Variants in CNTNAP5 observed in about 807,000 individuals in gnomAD.
CNTNAP5 encodes the protein contactin-associated protein-like 5.
In CNTNAP5, 72 loss-of-function variants were observed where a neutral mutation model predicts 150.2. That is an observed-to-expected ratio of 0.48 (90% CI 0.40 to 0.58). The LOEUF is 0.58. Ranked by LOEUF, CNTNAP5 falls within the 20% of genes least tolerant of loss-of-function variation. The pLI is 0.00. For synonymous variants in CNTNAP5, 672 were observed against 619.8 expected (o/e 1.08, Z -1.25); for missense variants, 1,636 against 1,626.2 (o/e 1.01, Z -0.10).
intron 19 of CNTNAP5, among the ~76,000 whole-genome samples, chr2:124,815,022 C>T (rs558493403): frequency 6.6e-6 from 1 of 152,168 alleles, no homozygotes; most frequent in Non-Finnish European, 1.5e-5. Context: ...GATGAAGTGC[C>T]TGCTAGTCTA....
chr2:124,803,183 G>A (rs1249900653), intron 19 of CNTNAP5, among the ~76,000 whole-genome samples: 2 of 151,960 alleles, frequency 1.3e-5, no homozygotes, highest in East Asian at 3.9e-4. Context: ...ATCGATGCTA[G>A]GTAGAAGTCT....
chr2:124,618,361 G>A (rs1677534577), intron 12 of CNTNAP5, among the ~76,000 whole-genome samples: 1 of 152,124 alleles, frequency 6.6e-6, no homozygotes, highest in Non-Finnish European at 1.5e-5. Context: ...GAGGACAGTG[G>A]ATCTCTCGTA....
chr2:124,274,243 T>C (rs1376127875), intron 3 of CNTNAP5, among the ~76,000 whole-genome samples: 2 of 152,192 alleles, frequency 1.3e-5, no homozygotes, highest in Non-Finnish European at 2.9e-5. Context: ...AATAGCCACA[T>C]ACTGGACAGC....
chr2:124,330,327 T>C (rs1689318537), intron 3 of CNTNAP5, among the ~76,000 whole-genome samples: 1 of 152,220 alleles, frequency 6.6e-6, no homozygotes, highest in African/African-American at 2.4e-5. Flanking sequence ...TTAATGAACT[T>C]ATGCAAATAA....
chr2:124,474,666 C>A, intron 6 of CNTNAP5, 73 bp from the exon 7 acceptor site: 1 of 1,314,852 alleles, frequency 7.6e-7, no homozygotes, highest in Non-Finnish European at 1.0e-6. Flanking sequence ...ACCAAAAACG[C>A]ACGTGTTTAC....
intron 8 of CNTNAP5, among the ~76,000 whole-genome samples, chr2:124,522,563 A>G (rs1204523085): frequency 1.3e-5 from 2 of 152,220 alleles, no homozygotes; most frequent in Non-Finnish European, 2.9e-5. Flanking sequence ...CTCTGGCTGC[A>G]CATTAGAACC....
At chr2:124,464,662 T>G (rs2104824404) in intron 6 of CNTNAP5, among the ~76,000 whole-genome samples, 1 of 152,264 alleles carries the variant, frequency 6.6e-6, no homozygotes, top group African/African-American at 2.4e-5. Flanking sequence ...CTATATGCTG[T>G]TTTACTTTCT....
At chr2:124,738,965 ACT>A (rs1680445333) in intron 13 of CNTNAP5, among the ~76,000 whole-genome samples, 1 of 152,096 alleles carries the variant, frequency 6.6e-6, no homozygotes, top group South Asian at 2.1e-4. Context: ...TCCTACAAAA[ACT>A]CACACAATGC....
chr2:124,133,660 G>A (rs907280751), intron 1 of CNTNAP5, among the ~76,000 whole-genome samples: 2 of 152,086 alleles, frequency 1.3e-5, no homozygotes, highest in East Asian at 1.9e-4. Flanking sequence ...TTTCTGTGGA[G>A]CACCAGTAGT....
At chr2:124,067,054 C>A (rs543042156) in intron 1 of CNTNAP5, among the ~76,000 whole-genome samples, 13 of 152,246 alleles carry the variant, frequency 8.5e-5, no homozygotes, top group African/African-American at 3.1e-4. Flanking sequence ...AAGACAGGAG[C>A]CTTGTTCCAT....
chr2:124,295,203 CTT>C (rs71394033), intron 3 of CNTNAP5, among the ~76,000 whole-genome samples: 10 of 137,984 alleles, frequency 7.2e-5, no homozygotes, highest in African/African-American at 1.6e-4. Context: ...AGGTTGATTT[CTT>C]TTTTTTTTTT....
chr2:124,084,825 T>G (rs1306681076), intron 1 of CNTNAP5, among the ~76,000 whole-genome samples: 1 of 152,138 alleles, frequency 6.6e-6, no homozygotes, highest in African/African-American at 2.4e-5. Flanking sequence ...GAATTGATGT[T>G]AATTTATCTT....
rs117853520 is a variant in CNTNAP5, at chr2:124,469,285, A to G, written c.919-5454A>G. On this transcript the variant is annotated intron_variant, in intron 6 of 23. Coordinates refer to ENST00000682447, the MANE Select transcript of CNTNAP5 (RefSeq NM_001367498.1). ...CTCCACCCTGAATATTTTCAATAGCACTGTGTTTTGCTATTTAAAAGACAG... is the reference window on the plus strand; with the variant it reads ...CTCCACCCTGAATATTTTCAATAGCGCTGTGTTTTGCTATTTAAAAGACAG... Among the ~76,000 whole-genome samples, 516 of 152,250 alleles carry G rather than the reference A, an allele frequency of 3.4e-3. 9 individuals are homozygous for G. The East Asian group carries it at 0.048, about 14-fold the overall frequency.
intron 3 of CNTNAP5, among the ~76,000 whole-genome samples, chr2:124,297,554 T>A (rs1241049066): frequency 6.6e-6 from 1 of 152,106 alleles, no homozygotes; most frequent in African/African-American, 2.4e-5. Context: ...TCTTCCAATG[T>A]CTCCTGCTCC....
At chr2:124,255,548 A>G (rs984029276) in intron 3 of CNTNAP5, among the ~76,000 whole-genome samples, 1 of 114,058 alleles carries the variant, frequency 8.8e-6, no homozygotes, top group East Asian at 2.4e-4. Flanking sequence ...ATAAAATAAA[A>G]TAAAATAAAA....
chr2:124,274,636 C>T (rs1482637474), intron 3 of CNTNAP5, among the ~76,000 whole-genome samples: 1 of 152,204 alleles, frequency 6.6e-6, no homozygotes, highest in East Asian at 1.9e-4. Flanking sequence ...AGTGGGACTC[C>T]AGACGTGCAG....
chr2:124,636,488 C>G (rs1014137320), intron 12 of CNTNAP5, among the ~76,000 whole-genome samples: 1 of 152,082 alleles, frequency 6.6e-6, no homozygotes, highest in African/African-American at 2.4e-5. Context: ...TGAAAGCACT[C>G]ATGAAAATTA....
At chr2:124,602,260 T>C (rs1697002668) in intron 11 of CNTNAP5, among the ~76,000 whole-genome samples, 1 of 146,248 alleles carries the variant, frequency 6.8e-6, no homozygotes, top group Non-Finnish European at 1.5e-5. Context: ...GAGAATAGCT[T>C]GAACCAGGAA....
intron 1 of CNTNAP5, among the ~76,000 whole-genome samples, chr2:124,088,787 C>T (rs1393313528): frequency 6.6e-6 from 1 of 152,128 alleles, no homozygotes; most frequent in African/African-American, 2.4e-5. Flanking sequence ...CCAGTGAGTT[C>T]AAAGTCCTGG....
Sources: allele counts gnomAD v4.1 joint callset (sites outside exome capture counted in the v4.1 genomes callset), GRCh38; gene constraint gnomAD v4.1.1; transcripts MANE v1.5; gene names NCBI Gene and HGNC (gene_info 2026-07-23, HGNC 2026-07-21).